PREX1: variants seen among roughly 807,000 people sequenced by gnomAD.
PREX1 encodes phosphatidylinositol 3,4,5-trisphosphate-dependent Rac exchanger 1 protein.
Under a neutral mutation model 198.3 loss-of-function variants are expected in PREX1, and 41 were observed. That is an observed-to-expected ratio of 0.21 (90% CI 0.16 to 0.27). The LOEUF (loss-of-function observed/expected upper bound fraction) is 0.27. Among genes scored for constraint, PREX1 ranks in the 10% least tolerant of loss-of-function variants. PREX1 has a pLI of 1.00. For synonymous variants in PREX1, 843 were observed against 887.2 expected, an observed-to-expected ratio of 0.95 and a Z score of 0.89; for missense variants, 1,620 against 2,200.7, an observed-to-expected ratio of 0.74 and a Z score of 5.28.
chr20:48,670,618 C>G (rs2089669105), intron 14 of PREX1, among the ~76,000 whole-genome samples: 1 of 152,260 alleles, frequency 6.6e-6, no homozygotes, highest in Non-Finnish European at 1.5e-5. Flanking sequence ...AAGCCCCGCT[C>G]TGCCCTGGCC....
At chr20:48,845,799 G>A in the PREX1 span, among the ~76,000 whole-genome samples, 1 of 152,144 alleles carries the variant, frequency 6.6e-6, no homozygotes, top group Admixed American at 6.5e-5. Flanking sequence ...AAGCCGCGAG[G>A]AGGCCAGTGA....
intron 16 of PREX1, among the ~76,000 whole-genome samples, 185 bp from the exon 17 acceptor site, chr20:48,658,413 C>A (rs186936434): frequency 1.3e-5 from 2 of 152,370 alleles, no homozygotes; most frequent in African/African-American, 4.8e-5. Flanking sequence ...TCTGTGCCTG[C>A]CACTGGCTTA....
chr20:48,759,546 T>A (rs1397729358), intron 1 of PREX1, among the ~76,000 whole-genome samples: 1 of 75,132 alleles, frequency 1.3e-5, no homozygotes, highest in Non-Finnish European at 2.5e-5. Context: ...CAAGATTCCA[T>A]CTCAAAAAAA....
chr20:48,635,262 C>G (rs1368969390), intron 32 of PREX1, among the ~76,000 whole-genome samples: 2 of 152,074 alleles, frequency 1.3e-5, no homozygotes, highest in African/African-American at 4.8e-5. Context: ...TCCTCCAGAC[C>G]CACCCATCTC....
rs879579086 is a variant in PREX1 at position 48,661,193 on chromosome 20, C to A, written c.1739-1132G>T. 2.0e-5 allele frequency among the ~76,000 whole-genome samples: 3 copies of A among 151,644 alleles called. No individual in the cohort carries two copies. The East Asian group carries it at 5.8e-4, about 29-fold the overall frequency. On this transcript the variant is annotated intron_variant, in intron 15 of 39. Transcript: ENST00000371941. Reference sequence around the variant, plus strand: ...CAGCACTTTGAGAGGTCGAGGCAGGCAGATTACCCAAGGTGGGGAGTCCCA... The same window carrying A: ...CAGCACTTTGAGAGGTCGAGGCAGGAAGATTACCCAAGGTGGGGAGTCCCA...
the PREX1 span, among the ~76,000 whole-genome samples, chr20:48,856,054 T>A: frequency 6.6e-6 from 1 of 152,168 alleles, no homozygotes; most frequent in South Asian, 2.1e-4. Context: ...CTTGGAAACA[T>A]GACAGAGGAG....
chr20:48,782,209 T>A (rs899132569), intron 1 of PREX1, among the ~76,000 whole-genome samples: 1 of 152,168 alleles, frequency 6.6e-6, no homozygotes, highest in African/African-American at 2.4e-5. Flanking sequence ...CATCTCGAAT[T>A]GTAGCTCTCA....
At chr20:48,768,948 C>T (rs1398219005) in intron 1 of PREX1, among the ~76,000 whole-genome samples, 1 of 151,986 alleles carries the variant, frequency 6.6e-6, no homozygotes, top group African/African-American at 2.4e-5. Context: ...GAAACTATTC[C>T]CTTTTTTTTT....
At chr20:48,850,656 G>T in the PREX1 span, among the ~76,000 whole-genome samples, 1 of 152,112 alleles carries the variant, frequency 6.6e-6, no homozygotes, top group African/African-American at 2.4e-5. Flanking sequence ...GTTTAAGAGG[G>T]GAAACTTATT....
At chr20:48,722,446 G>T (rs1356826535) in intron 5 of PREX1, among the ~76,000 whole-genome samples, 2 of 152,224 alleles carry the variant, frequency 1.3e-5, no homozygotes, top group Non-Finnish European at 2.9e-5. Context: ...GTCGGCAGGG[G>T]CTGGAGGAGG....
At chr20:48,826,013 A>T (rs1600538722) in intron 1 of PREX1, among the ~76,000 whole-genome samples, 1 of 151,152 alleles carries the variant, frequency 6.6e-6, no homozygotes, top group East Asian at 2.0e-4. Context: ...CCCCCAGTAC[A>T]TCTCCTTTCA....
intron 26 of PREX1, 83 bp from the exon 27 acceptor site, chr20:48,644,580 T>G: frequency 7.9e-7 from 1 of 1,267,644 alleles, no homozygotes; most frequent in Non-Finnish European, 1.1e-6. Context: ...CTTTCTACAG[T>G]GTAGACAAAA....
At chr20:48,704,272 C>T (rs939532356) in intron 6 of PREX1, among the ~76,000 whole-genome samples, 1 of 152,214 alleles carries the variant, frequency 6.6e-6, no homozygotes, top group African/African-American at 2.4e-5. Flanking sequence ...TCGAAGACAA[C>T]CTGAAGATTT....
At chr20:48,676,680 A>G (rs2089711780) in intron 13 of PREX1, among the ~76,000 whole-genome samples, 1 of 152,156 alleles carries the variant, frequency 6.6e-6, no homozygotes, top group South Asian at 2.1e-4. Flanking sequence ...AGATCCTACA[A>G]TGCCAGGCAG....
At chr20:48,727,353 G>C (rs1228445815) in intron 4 of PREX1, among the ~76,000 whole-genome samples, 1 of 152,118 alleles carries the variant, frequency 6.6e-6, no homozygotes, top group Non-Finnish European at 1.5e-5. Context: ...CTGTCCACAT[G>C]AATCAACCCA....
chr20:48,642,568 GA>G (rs2089422845), intron 27 of PREX1, 79 bp from the exon 28 acceptor site: 4 of 1,290,296 alleles, frequency 3.1e-6, no homozygotes, highest in Non-Finnish European at 4.3e-6. Flanking sequence ...CTAAGAGGGG[GA>G]TACAGCTACA....
intron 6 of PREX1, among the ~76,000 whole-genome samples, chr20:48,707,993 G>A (rs1255773584): frequency 6.6e-6 from 1 of 152,196 alleles, no homozygotes; most frequent in African/African-American, 2.4e-5. Flanking sequence ...ATAACAGGGG[G>A]TGGTGGGGAC....
chr20:48,651,464 C>A lies in PREX1; in HGVS notation c.2587G>T (p.Ala863Ser). ...TCCAGCACATGGCACCTGACGCCTG[C>A]CGTGCTCACATACTCATACACCACG... is the stretch of plus-strand genomic sequence containing the variant. ...HGVVYEYVST[A>S]GVRCHVLEKI... The change falls in exon 22 of 40, where the codon GCA becomes TCA. Residue 863 changes from alanine to serine, a missense_variant. Physicochemically the swap from Ala to Ser is moderately conservative, Grantham distance 99 (BLOSUM62 1). Coordinates refer to ENST00000371941, the MANE Select transcript of PREX1 (RefSeq NM_020820.4). The A allele has an allele frequency of 6.2e-7, 1 of 1,614,128 alleles. No individual in the cohort carries two copies. Among genetic ancestry groups the A allele is most frequent in the African/African-American group, 1.3e-5 (1 of 75,078 alleles).
chr20:48,679,788 C>T (rs376123428), intron 11 of PREX1, 34 bp from the exon 12 acceptor site: 21 of 1,537,746 alleles, frequency 1.4e-5, no homozygotes, highest in Admixed American at 5.0e-5. Flanking sequence ...ACGCTGGGCA[C>T]GCCCCCTCAG....
Sources: gnomAD v4.1 joint callset for allele counts (sites outside exome capture counted in the v4.1 genomes callset) on GRCh38, gnomAD v4.1.1 for gene constraint, MANE v1.5 for transcripts, NCBI Gene and HGNC (gene_info 2026-07-23, HGNC 2026-07-21) for gene names.